DIP2B: variants seen among roughly 807,000 people sequenced by gnomAD.
DIP2B encodes disco-interacting protein 2 homolog B.
In DIP2B, 76 loss-of-function variants were observed where a neutral mutation model predicts 198.0. The ratio of observed to expected loss-of-function variants is 0.38; its 90% CI spans 0.32 to 0.46. The LOEUF is 0.46. Ranked by LOEUF, DIP2B falls within the 20% of genes least tolerant of loss-of-function variation. The pLI, the probability that DIP2B is intolerant of heterozygous loss-of-function variation, is 0.99. For missense variants in DIP2B, 1,559 were observed against 1,978.4 expected (o/e 0.79, Z 4.02); for synonymous variants, 701 against 739.1 (o/e 0.95, Z 0.84).
intron 23 of DIP2B, among the ~76,000 whole-genome samples, chr12:50,715,345 T>C (rs907275434): frequency 1.3e-5 from 2 of 152,206 alleles, no homozygotes; most frequent in African/African-American, 2.4e-5. Context: ...TGGACTTGAC[T>C]TGGCTCCAGG....
chr12:50,738,440 T>C (rs1037114467), intron 35 of DIP2B, among the ~76,000 whole-genome samples: 1 of 152,136 alleles, frequency 6.6e-6, no homozygotes, highest in Non-Finnish European at 1.5e-5. Context: ...GGCCAGGAGT[T>C]TGAGGCCAAC....
intron 1 of DIP2B, 53 bp downstream of exon 1, chr12:50,505,293 T>G (rs201512081): frequency 2.2e-6 from 3 of 1,384,070 alleles, no homozygotes; most frequent in Non-Finnish European, 1.9e-6. Context: ...TCGCGGCGAC[T>G]TGGGAGACAG....
At chr12:50,582,712 T>C (rs12300290) in intron 1 of DIP2B, among the ~76,000 whole-genome samples, 6,082 of 152,206 alleles carry the variant, frequency 0.04, 406 homozygotes, top group African/African-American at 0.14. Flanking sequence ...CTGTGCCCCA[T>C]CCACTTTTCT....
chr12:50,706,790 T>C, intron 21 of DIP2B, 125 bp downstream of exon 21: 1 of 1,097,438 alleles, frequency 9.1e-7, no homozygotes, highest in South Asian at 2.1e-5. Context: ...TGTTAAGCAT[T>C]GCATAAGCCT....
intron 12 of DIP2B, among the ~76,000 whole-genome samples, chr12:50,690,172 T>C (rs1011811500): frequency 2.6e-5 from 4 of 151,060 alleles, no homozygotes; most frequent in East Asian, 2.0e-4. Context: ...CTGCAAGCTC[T>C]GCCTCCCAGG....
intron 2 of DIP2B, among the ~76,000 whole-genome samples, chr12:50,629,887 C>T (rs1477635296): frequency 1.3e-5 from 2 of 151,714 alleles, no homozygotes; most frequent in African/African-American, 4.8e-5. Flanking sequence ...TCCTTCCCTT[C>T]TTTTGTTACC....
At position 50,747,938 on chromosome 12, in the gene DIP2B, C is replaced by T. The variant is rs535844456; in HGVS notation, c.*3099C>T. The T allele has an allele frequency of 1.3e-5, 2 of 152,768 alleles. No homozygotes were observed. The highest frequency in any genetic ancestry group is 2.1e-4 in the South Asian group (1 of 4,826). The allele number at this position is 152,768 out of a possible 1,614,324, so 9.5% of individuals were successfully genotyped here. A position where few individuals can be genotyped will look rare whatever the true frequency, so the allele number is the denominator to read the frequency against. The stretch of plus-strand genomic sequence containing the variant: ...GTCAGTGAATCCACAGTCTTTACTT[C>T]CTGCCTCATAAAGGGCCAGGTCTCC... On this transcript the variant is annotated 3_prime_UTR_variant, in exon 38 of 38. Coordinates refer to ENST00000301180, the MANE Select transcript of DIP2B (RefSeq NM_173602.3).
rs1939294227 is a variant in DIP2B at position 50,695,452 on chromosome 12, C to T, written c.1813+92C>T. The T allele has an allele frequency of 1.2e-5, 14 of 1,186,498 alleles. No individual in the cohort carries two copies. In the South Asian group the frequency reaches 1.8e-4, roughly 15 times the overall value. The allele number at this position is 1,186,498 out of a possible 1,614,324, so 73.5% of individuals were successfully genotyped here. On this transcript the variant is annotated intron_variant, in intron 15 of 37. Transcript: ENST00000301180. ...AGATTTTCAAATTGCCCTTGTATGCCCCTGTCCCTTAACAAATTGTAGAGT... is the reference window on the plus strand; with the variant it reads ...AGATTTTCAAATTGCCCTTGTATGCTCCTGTCCCTTAACAAATTGTAGAGT...
chr12:50,649,903 G>A (rs1938423590), intron 3 of DIP2B, among the ~76,000 whole-genome samples: 1 of 151,838 alleles, frequency 6.6e-6, no homozygotes. Context: ...ATGTAAAAGA[G>A]AAACCATATT....
chr12:50,626,294 CTA>C (rs1219513610), intron 2 of DIP2B, among the ~76,000 whole-genome samples: 2 of 152,104 alleles, frequency 1.3e-5, no homozygotes, highest in African/African-American at 2.4e-5. Flanking sequence ...GTGTGAAAGA[CTA>C]TGCATAACTG....
chr12:50,659,558 G>A (rs1241357377), intron 3 of DIP2B, among the ~76,000 whole-genome samples: 2 of 151,906 alleles, frequency 1.3e-5, no homozygotes, highest in Admixed American at 1.3e-4. Context: ...CTTTGGAGTG[G>A]GGGTAGAAAA....
chr12:50,648,696 T>A (rs2139497010), intron 3 of DIP2B, among the ~76,000 whole-genome samples: 1 of 129,990 alleles, frequency 7.7e-6, no homozygotes, highest in East Asian at 2.0e-4. Flanking sequence ...TGGGTTGTTC[T>A]TCCCCCCCCC....
At chr12:50,727,593 C>A in intron 28 of DIP2B, 110 bp from the exon 29 acceptor site, 2 of 943,726 alleles carry the variant, frequency 2.1e-6, no homozygotes, top group Admixed American at 1.9e-5. Flanking sequence ...GAGGCCTAAG[C>A]TTTAGCAAAT....
chr12:50,555,593 T>C (rs1476562390), intron 1 of DIP2B, among the ~76,000 whole-genome samples: 11 of 152,088 alleles, frequency 7.2e-5, no homozygotes, highest in Non-Finnish European at 1.5e-5. Flanking sequence ...AGCTGCCCTT[T>C]ATCTCCTCTC....
intron 8 of DIP2B, chr12:50,679,850 G>A (rs1478926636): frequency 6.6e-6 from 1 of 152,174 alleles, no homozygotes; most frequent in Non-Finnish European, 1.5e-5. Flanking sequence ...AGTATGGAAT[G>A]TTTAATCATT....
At chr12:50,656,706 G>A (rs1938560375) in intron 3 of DIP2B, among the ~76,000 whole-genome samples, 1 of 152,092 alleles carries the variant, frequency 6.6e-6, no homozygotes, top group East Asian at 1.9e-4. Flanking sequence ...CAAGTAGCTG[G>A]GACTACAGGC....
intron 1 of DIP2B, among the ~76,000 whole-genome samples, chr12:50,552,841 A>C (rs1266028462): frequency 6.6e-6 from 1 of 151,596 alleles, no homozygotes; most frequent in Non-Finnish European, 1.5e-5. Context: ...TAGGTCTTTA[A>C]TCTATTTTGA....
rs760722756 is a variant in DIP2B at position 50,728,638 on chromosome 12, C to T, written c.3601C>T (p.Pro1201Ser). 1.2e-6 allele frequency: 2 copies of T among 1,614,096 alleles called. No homozygotes were observed. The highest frequency in any genetic ancestry group is 2.2e-5 in the South Asian group (2 of 91,060). Residue 1201 changes from proline (P) to serine (S), a missense_variant, in exon 30 of 38, where the codon CCT becomes TCT. Coordinates refer to ENST00000301180, the MANE Select transcript of DIP2B (RefSeq NM_173602.3). ...SSRQIAICLD[P>S]YCGLGFALWC... ...TCGGCAGATCGCCATCTGCCTTGAC[C>T]CTTACTGTGGACTTGGCTTCGCGCT... is the stretch of plus-strand genomic sequence containing the variant.
chr12:50,527,301 T>G (rs776435957), intron 1 of DIP2B, among the ~76,000 whole-genome samples: 71 of 152,238 alleles, frequency 4.7e-4, no homozygotes, highest in Non-Finnish European at 8.7e-4. Flanking sequence ...TGTCCAACTG[T>G]ACACACAGAG....
Sources: allele counts gnomAD v4.1 joint callset (sites outside exome capture counted in the v4.1 genomes callset), GRCh38; gene constraint gnomAD v4.1.1; transcripts MANE v1.5; gene names NCBI Gene and HGNC (gene_info 2026-07-23, HGNC 2026-07-21).